The following METTL25 variants were observed in gnomAD, a reference collection of about 807,000 sequenced individuals.
METTL25 encodes methyltransferase like 25.
A neutral mutation model predicts 71.6 loss-of-function variants in METTL25; 64 were observed. That is an observed-to-expected ratio of 0.89 (90% CI 0.73 to 1.10). The LOEUF (loss-of-function observed/expected upper bound fraction) is 1.10, where lower values mean the gene tolerates loss of function less well. Among genes scored for constraint, METTL25 ranks in the 50% least tolerant of loss-of-function variants. METTL25 has a pLI of 0.00. For synonymous variants in METTL25, 287 were observed against 250.3 expected (o/e 1.15, Z -1.38); for missense variants, 807 against 707.0 (o/e 1.14, Z -1.60).
chr12:82,452,467 C>G (rs1891217213), intron 8 of METTL25, among the ~76,000 whole-genome samples: 1 of 152,292 alleles, frequency 6.6e-6, no homozygotes, highest in Non-Finnish European at 1.5e-5. Flanking sequence ...CATGCCACTG[C>G]ACGCCTGCCT....
At chr12:82,404,747 AGC>A (rs1886935093) in intron 5 of METTL25, among the ~76,000 whole-genome samples, 1 of 152,152 alleles carries the variant, frequency 6.6e-6, no homozygotes, top group Non-Finnish European at 1.5e-5. Flanking sequence ...GTTCAAGACC[AGC>A]CTGGCCAACA....
At chr12:82,447,176 A>G (rs1890817090) in intron 8 of METTL25, among the ~76,000 whole-genome samples, 1 of 152,168 alleles carries the variant, frequency 6.6e-6, no homozygotes, top group Non-Finnish European at 1.5e-5. Flanking sequence ...TGAAATGAAA[A>G]CAACTTAGCA....
intron 5 of METTL25, among the ~76,000 whole-genome samples, chr12:82,430,513 A>G (rs1021106245): frequency 3.3e-5 from 5 of 151,860 alleles, no homozygotes; most frequent in Admixed American, 1.3e-4. Flanking sequence ...GCCAAATGTC[A>G]TATTTAATAA....
chr12:82,397,741 T>C (rs1377368158), intron 3 of METTL25, among the ~76,000 whole-genome samples: 3 of 152,108 alleles, frequency 2.0e-5, no homozygotes, highest in African/African-American at 7.2e-5. Context: ...CAAAATCAGT[T>C]GATTATATAA....
chr12:82,370,238 C>G (rs1311432948), intron 1 of METTL25, among the ~76,000 whole-genome samples: 1 of 152,090 alleles, frequency 6.6e-6, no homozygotes, highest in Non-Finnish European at 1.5e-5. Flanking sequence ...TTGTTGAGCT[C>G]ATTTGGGGTT....
At chr12:82,450,054 C>T (rs1291532634) in intron 8 of METTL25, among the ~76,000 whole-genome samples, 2 of 152,156 alleles carry the variant, frequency 1.3e-5, no homozygotes, top group African/African-American at 2.4e-5. Context: ...ATTTTCCACT[C>T]TTTATTGAAA....
intron 7 of METTL25, among the ~76,000 whole-genome samples, chr12:82,438,306 T>C (rs1033222723): frequency 2.6e-5 from 4 of 151,698 alleles, no homozygotes; most frequent in Non-Finnish European, 5.9e-5. Flanking sequence ...GCTGTTATTA[T>C]CTTTATTCCA....
chr12:82,408,212 T>C (rs1435851568), intron 5 of METTL25, among the ~76,000 whole-genome samples: 2 of 152,190 alleles, frequency 1.3e-5, no homozygotes, highest in African/African-American at 4.8e-5. Context: ...CTTATAGATA[T>C]ATGTTCAAGA....
intron 5 of METTL25, among the ~76,000 whole-genome samples, chr12:82,415,473 A>G (rs1214973610): frequency 1.3e-5 from 2 of 152,036 alleles, no homozygotes; most frequent in African/African-American, 4.8e-5. Context: ...ATGTAATTAG[A>G]TTTACTAAGA....
intron 8 of METTL25, among the ~76,000 whole-genome samples, chr12:82,444,783 C>A (rs1890622680): frequency 6.6e-6 from 1 of 151,640 alleles, no homozygotes; most frequent in African/African-American, 2.4e-5. Context: ...CTAAATGGAT[C>A]AAAAAAACAA....
intron 5 of METTL25, among the ~76,000 whole-genome samples, chr12:82,406,128 A>T (rs1887067043): frequency 6.6e-6 from 1 of 152,192 alleles, no homozygotes; most frequent in Non-Finnish European, 1.5e-5. Context: ...GTTCAACATC[A>T]TCAGTGCCAA....
At chr12:82,416,541 G>C (rs1888002962) in intron 5 of METTL25, among the ~76,000 whole-genome samples, 1 of 150,214 alleles carries the variant, frequency 6.7e-6, no homozygotes, top group Non-Finnish European at 1.5e-5. Context: ...CCTGGGTTCA[G>C]GCAGTCCTCC....
At chr12:82,373,403 T>C (rs1274946872) in intron 1 of METTL25, among the ~76,000 whole-genome samples, 2 of 152,182 alleles carry the variant, frequency 1.3e-5, no homozygotes, top group Admixed American at 1.3e-4. Context: ...GCAAAAATTA[T>C]GTCTTTCTGA....
At chr12:82,407,871 G>A (rs2137046665) in intron 5 of METTL25, 1 of 985,208 alleles carries the variant, frequency 1.0e-6, no homozygotes. Flanking sequence ...AGATGGAAAA[G>A]GTAACATACT....
chr12:82,402,886 G>A (rs564695460), intron 4 of METTL25, 97 bp from the exon 5 acceptor site: 5 of 875,238 alleles, frequency 5.7e-6, no homozygotes, highest in African/African-American at 1.7e-5. Flanking sequence ...GTGCAGCCTG[G>A]GCAACATTGC....
intron 5 of METTL25, among the ~76,000 whole-genome samples, chr12:82,419,215 A>G (rs1454657684): frequency 6.6e-6 from 1 of 152,158 alleles, no homozygotes; most frequent in Non-Finnish European, 1.5e-5. Context: ...AAAAAATGCC[A>G]CAAAGAACAC....
At chr12:82,377,246 A>G (rs1185263796) in intron 1 of METTL25, among the ~76,000 whole-genome samples, 2 of 152,172 alleles carry the variant, frequency 1.3e-5, no homozygotes, top group African/African-American at 4.8e-5. Flanking sequence ...CATGTGGCTG[A>G]TTCTTCTCTG....
chr12:82,443,099 GAGA>G (rs908580746), intron 8 of METTL25, among the ~76,000 whole-genome samples: 1 of 151,962 alleles, frequency 6.6e-6, no homozygotes, highest in Non-Finnish European at 1.5e-5. Context: ...ACTGCAGTCT[GAGA>G]AGAAGATGAG....
chr12:82,401,095 T>C lies in METTL25; in HGVS notation c.1131+1701T>C, dbSNP rs189429067. ...AGCAGAGTAGCTGTATAAACCTCTA[T>C]AAACTGTGCTTTGAAAAGGATAGTG... is the stretch of plus-strand genomic sequence containing the variant. On this transcript the variant is annotated intron_variant, in intron 4 of 11. Transcript: ENST00000248306. Among the ~76,000 whole-genome samples the C allele has an allele frequency of 8.5e-5, 13 of 152,174 alleles. No homozygotes were observed. In the East Asian group the frequency reaches 1.7e-3, roughly 20 times the overall value.
Sources: allele counts gnomAD v4.1 joint callset (sites outside exome capture counted in the v4.1 genomes callset), GRCh38; gene constraint gnomAD v4.1.1; transcripts MANE v1.5; gene names NCBI Gene and HGNC (gene_info 2026-07-23, HGNC 2026-07-21).